The following TMC3 variants were observed in gnomAD, a reference collection of about 807,000 sequenced individuals.
The protein encoded by TMC3 is transmembrane channel like 3.
In TMC3, 98 loss-of-function variants were observed where a neutral mutation model predicts 110.6. The observed-to-expected ratio is 0.89, with a 90% CI of 0.75 to 1.05. TMC3 has a LOEUF of 1.05. Ranked by LOEUF, TMC3 falls within the 50% of genes least tolerant of loss-of-function variation. The pLI is 0.00. For missense variants in TMC3, 1,319 were observed against 1,373.2 expected (o/e 0.96, Z 0.62); for synonymous variants, 489 against 513.1 (o/e 0.95, Z 0.63).
chr15:81,351,334 GTCTC>G (rs59510909), intron 10 of TMC3, among the ~76,000 whole-genome samples: 12,077 of 139,996 alleles, frequency 0.086, 893 homozygotes, highest in African/African-American at 0.18. Context: ...ACTTTTCTGT[GTCTC>G]TCTCTCTCTC....
At chr15:81,358,352 C>T in intron 6 of TMC3, 50 bp downstream of exon 6, 3 of 1,600,274 alleles carry the variant, frequency 1.9e-6, no homozygotes, top group Non-Finnish European at 2.6e-6. Flanking sequence ...GAACTGTGGC[C>T]CATTCACCCC....
At chr15:81,357,756 T>C (rs1048158217) in intron 7 of TMC3, among the ~76,000 whole-genome samples, 12 of 152,242 alleles carry the variant, frequency 7.9e-5, no homozygotes, top group South Asian at 2.1e-4. Context: ...TTGCAACCTC[T>C]GGTCACCTAG....
chr15:81,342,066 A>G (rs796591620), intron 15 of TMC3, among the ~76,000 whole-genome samples: 3 of 152,330 alleles, frequency 2.0e-5, no homozygotes, highest in African/African-American at 4.8e-5. Context: ...GGCTGACTCT[A>G]TATCATCCAA....
intron 18 of TMC3, 106 bp downstream of exon 18, chr15:81,338,549 G>T: frequency 6.8e-7 from 1 of 1,466,576 alleles, no homozygotes; most frequent in South Asian, 1.3e-5. Flanking sequence ...AAGCCTAAGT[G>T]ATTTTTGAAT....
chr15:81,337,699 C>T (rs569475202), intron 19 of TMC3, 147 bp downstream of exon 19: 1 of 698,954 alleles, frequency 1.4e-6, no homozygotes, highest in East Asian at 2.7e-5. Flanking sequence ...TCTTGGACAT[C>T]TGGGGATTGG....
rs143929525 is a variant in TMC3, at chr15:81,351,757, C to T, written c.1020G>A (p.Val340=). The T allele has an allele frequency of 6.2e-3, 9,854 of 1,596,922 alleles. 32 individuals are homozygous for T. Among genetic ancestry groups the T allele is most frequent in the Non-Finnish European group, 7.4e-3 (8,619 of 1,171,816 alleles). ...LAGSIYLIYF[V]VDRSQKLEQS... ...GCTCCAGCTTCTGGGACCGGTCCAC[C>T]ACAAAGTAGATGAGATAAATGCTCC... is the stretch of plus-strand genomic sequence containing the variant. The change falls in exon 10 of 22, where the codon GTG becomes GTA. Residue 340 remains valine, a synonymous_variant. Coordinates refer to ENST00000359440, the MANE Select transcript of TMC3 (RefSeq NM_001080532.3).
chr15:81,360,719 C>G (rs1377846679), intron 4 of TMC3, among the ~76,000 whole-genome samples: 3 of 152,080 alleles, frequency 2.0e-5, no homozygotes, highest in Non-Finnish European at 4.4e-5. Context: ...TGAGTTGGTC[C>G]CACTTGGAGC....
At chr15:81,344,152 T>C in intron 13 of TMC3, 107 bp from the exon 14 acceptor site, 1 of 1,230,244 alleles carries the variant, frequency 8.1e-7, no homozygotes, top group Non-Finnish European at 1.1e-6. Flanking sequence ...CCCCAGCCAG[T>C]GGGCCCCTCC....
intron 14 of TMC3, 83 bp from the exon 15 acceptor site, chr15:81,343,428 C>T: frequency 1.2e-6 from 1 of 863,112 alleles, no homozygotes; most frequent in Non-Finnish European, 2.0e-6. Flanking sequence ...CCTATATAGA[C>T]TTCTTTGCTC....
chr15:81,357,478 CCCACA>C (rs1894090406), intron 7 of TMC3, among the ~76,000 whole-genome samples: 1 of 151,996 alleles, frequency 6.6e-6, no homozygotes, highest in South Asian at 2.1e-4. Context: ...TTCTCTAGCT[CCCACA>C]CGGAAGACCT....
At chr15:81,339,091 A>G (rs1056347591) in intron 17 of TMC3, among the ~76,000 whole-genome samples, 2 of 152,248 alleles carry the variant, frequency 1.3e-5, no homozygotes, top group Non-Finnish European at 2.9e-5. Context: ...AGTGCTGTGC[A>G]CTGTGGTTTA....
chr15:81,342,893 A>C (rs1893744272), intron 15 of TMC3: 2 of 165,394 alleles, frequency 1.2e-5, no homozygotes, highest in African/African-American at 2.4e-5. Context: ...ATTAGGAGGA[A>C]ATGGAGGGAG....
At chr15:81,365,691 A>AAAAAAAAAAAAAAAAAAT (rs1567070143) in intron 3 of TMC3, among the ~76,000 whole-genome samples, 1 of 147,328 alleles carries the variant, frequency 6.8e-6, no homozygotes, top group Non-Finnish European at 1.5e-5. Context: ...AAAAAGAAAA[A>AAAAAAAAAAAAAAAAAAT]GAAAAAAAAG....
rs138394567 is a variant in TMC3 at position 81,371,885 on chromosome 15, C to T, written c.236+706G>A. ...GCTTAGTGGTTGACATTTTTGGAAA[C>T]GTGCTGCAGGAAGTTAAGGGCTATT... On this transcript the variant is annotated intron_variant, in intron 2 of 21. Transcript: ENST00000359440. Among the ~76,000 whole-genome samples the T allele has an allele frequency of 3.2e-3, 490 of 152,162 alleles. 5 individuals are homozygous for T. The highest frequency in any genetic ancestry group is 0.011 in the African/African-American group (447 of 41,506).
chr15:81,344,844 C>T lies in TMC3; in HGVS notation c.1440G>A (p.Met480Ile). The T allele has an allele frequency of 1.9e-6, 3 of 1,613,880 alleles. No individual in the cohort carries two copies. The highest frequency in any genetic ancestry group is 2.5e-6 in the Non-Finnish European group (3 of 1,179,860). ...TAGTCTTGTTGGCCTTTATAAGAGG[C>T]ATGGTATAAGCTGAAATGCTGGTCT... ...LEETSISAYT[M>I]PLIKANKTSL... is the part of the protein sequence containing the mutation. Residue 480 changes from methionine (M) to isoleucine (I), a missense_variant, in exon 13 of 22, where the codon ATG becomes ATA. Coordinates refer to ENST00000359440, the MANE Select transcript of TMC3 (RefSeq NM_001080532.3).
intron 16 of TMC3, among the ~76,000 whole-genome samples, chr15:81,340,242 C>G (rs1893686014): frequency 1.3e-5 from 2 of 151,624 alleles, no homozygotes; most frequent in South Asian, 2.1e-4. Flanking sequence ...CTCTCTCTCT[C>G]TCTCTCTCAT....
chr15:81,332,635 T>G lies in TMC3; in HGVS notation c.3087A>C (p.Arg1029Ser). Residue 1029 changes from arginine (R) to serine (S), a missense_variant, in exon 22 of 22, where the codon AGA becomes AGC. Arg to Ser is a moderately radical substitution (Grantham distance 110, BLOSUM62 -1). Coordinates refer to ENST00000359440, the MANE Select transcript of TMC3 (RefSeq NM_001080532.3). The part of the protein sequence containing the change: ...FQYPQPPLKP[R>S]GKPRFEPSLT... ...GGGATGGCTCGAACCTGGGCTTCCC[T>G]CTGGGCTTCAGAGGGGGCTGTGGGT... 1 of 1,613,970 alleles carries G rather than the reference T, an allele frequency of 6.2e-7. No homozygotes were observed. The highest frequency in any genetic ancestry group is 8.5e-7 in the Non-Finnish European group (1 of 1,179,852).
chr15:81,351,880 C>A, intron 9 of TMC3, 39 bp from the exon 10 acceptor site: 1 of 1,605,002 alleles, frequency 6.2e-7, no homozygotes, highest in Non-Finnish European at 8.5e-7. Flanking sequence ...TACACAGGGT[C>A]CTGCTCACAG....
intron 2 of TMC3, among the ~76,000 whole-genome samples, chr15:81,370,348 A>G (rs1894406697): frequency 6.6e-6 from 1 of 152,186 alleles, no homozygotes; most frequent in East Asian, 1.9e-4. Flanking sequence ...GTGTTGCTCC[A>G]GTAGTTTCTC....
Sources: gnomAD v4.1 joint callset for allele counts (sites outside exome capture counted in the v4.1 genomes callset) on GRCh38, gnomAD v4.1.1 for gene constraint, MANE v1.5 for transcripts, NCBI Gene and HGNC (gene_info 2026-07-23, HGNC 2026-07-21) for gene names.